Variants in CEP170 observed in about 807,000 individuals in gnomAD.
CEP170 encodes the protein centrosomal protein 170, also known as centrosomal protein of 170 kDa.
In CEP170, 21 loss-of-function variants were observed where a neutral mutation model predicts 151.9. That is an observed-to-expected ratio of 0.14 (90% CI 0.10 to 0.20). The LOEUF (loss-of-function observed/expected upper bound fraction) is 0.20, where lower values mean the gene tolerates loss of function less well. CEP170 is among the 10% of genes least tolerant of loss of function. The pLI is 1.00. For missense variants in CEP170, 964 were observed against 1,892.9 expected (o/e 0.51, Z 9.11); for synonymous variants, 356 against 648.8 (o/e 0.55, Z 6.86).
Position 243,185,679 on chromosome 1 carries a change from C to G in CEP170, c.1566+100G>C. 7.0e-7 allele frequency: 1 copy of G among 1,435,576 alleles called. No homozygotes were observed. Among genetic ancestry groups the G allele is most frequent in the Non-Finnish European group, 9.4e-7 (1 of 1,063,734 alleles). 88.9% of individuals were successfully genotyped at this position (1,435,576 alleles called of 1,614,324 possible). On this transcript the variant is annotated intron_variant, in intron 10 of 19. Transcript: ENST00000366542. The surrounding 1 kb of genome is among the most constrained non-coding windows in gnomAD (Gnocchi z 4.9). Reference sequence around the variant, plus strand: ...ACAAAACCCTAAAATTCACATACCACTGACTGCATGACAACATCTCATGCT... The same window carrying G: ...ACAAAACCCTAAAATTCACATACCAGTGACTGCATGACAACATCTCATGCT...
intron 10 of CEP170, among the ~76,000 whole-genome samples, chr1:243,179,467 C>A (rs1418494863): frequency 6.6e-6 from 1 of 152,206 alleles, no homozygotes; most frequent in African/African-American, 2.4e-5. Context: ...GACTATCTAT[C>A]TTTGCTGCTT....
chr1:243,255,402 T>A (rs918697428), upstream of CEP170: 1 of 153,096 alleles, frequency 6.5e-6, no homozygotes, highest in African/African-American at 2.4e-5. Flanking sequence ...TTTTCCAGCT[T>A]GCCCACTGCG....
chr1:243,230,399 G>A (rs1419199744), intron 1 of CEP170, among the ~76,000 whole-genome samples: 2 of 152,098 alleles, frequency 1.3e-5, no homozygotes, highest in African/African-American at 4.8e-5. Context: ...AGATTTGACA[G>A]AAACTCTCCC....
intron 16 of CEP170, among the ~76,000 whole-genome samples, chr1:243,137,615 A>G (rs577439539): frequency 3.0e-4 from 46 of 152,116 alleles, no homozygotes; most frequent in Non-Finnish European, 5.9e-4. Context: ...TCTCTACTAA[A>G]AATACAAAAA....
chr1:243,249,911 T>C (rs2065779320), intron 1 of CEP170, among the ~76,000 whole-genome samples: 1 of 152,166 alleles, frequency 6.6e-6, no homozygotes, highest in Admixed American at 6.5e-5. Context: ...TGAAACCCTG[T>C]CTTTACTAAA....
At chr1:243,157,764 T>C (rs1218459124) in intron 13 of CEP170, among the ~76,000 whole-genome samples, 6 of 152,176 alleles carry the variant, frequency 3.9e-5, no homozygotes, top group African/African-American at 1.2e-4. Flanking sequence ...AAAACTGGCA[T>C]ATATTGCCAC....
chr1:243,176,169 T>A (rs1410930488), intron 10 of CEP170, among the ~76,000 whole-genome samples: 1 of 151,964 alleles, frequency 6.6e-6, no homozygotes, highest in African/African-American at 2.4e-5. Flanking sequence ...TCAATCCAAA[T>A]CCCAAACATG....
At chr1:243,153,329 C>T (rs960971972) in intron 14 of CEP170, among the ~76,000 whole-genome samples, 3 of 152,108 alleles carry the variant, frequency 2.0e-5, no homozygotes, top group Non-Finnish European at 4.4e-5. Flanking sequence ...TAAACTCAGT[C>T]GATAAGCCAG....
Position 243,185,631 on chromosome 1 carries a change from C to T in CEP170, c.1566+148G>A, listed in dbSNP as rs1273968772. On this transcript the variant is annotated intron_variant, in intron 10 of 19. Coordinates refer to ENST00000366542, the MANE Select transcript of CEP170 (RefSeq NM_014812.3). The surrounding 1 kb of genome is among the most constrained non-coding windows in gnomAD (Gnocchi z 4.9). ...AAAATCACAAAGCATGTTGGTCTTA[C>T]TGTTAAGTCTTGCAGTTCCCTAACA... The T allele has an allele frequency of 8.5e-6, 9 of 1,062,568 alleles. No individual in the cohort carries two copies. The highest frequency in any genetic ancestry group is 1.2e-5 in the Non-Finnish European group (9 of 737,830). The allele number at this position is 1,062,568 out of a possible 1,614,324, so 65.8% of individuals were successfully genotyped here.
At chr1:243,126,855 T>A in intron 19 of CEP170, 117 bp from the exon 20 acceptor site, 2 of 646,600 alleles carry the variant, frequency 3.1e-6, no homozygotes, top group East Asian at 5.5e-5. Flanking sequence ...ATGTGGCTAA[T>A]CTTCCAATAT....
chr1:243,217,936 T>A (rs1326621698), intron 3 of CEP170, among the ~76,000 whole-genome samples: 2 of 152,172 alleles, frequency 1.3e-5, no homozygotes, highest in African/African-American at 2.4e-5. Flanking sequence ...ACATCAAGAT[T>A]AGGTGCCCAA....
At chr1:243,183,261 A>G (rs1413550966) in intron 10 of CEP170, among the ~76,000 whole-genome samples, 5 of 152,130 alleles carry the variant, frequency 3.3e-5, no homozygotes, top group Admixed American at 3.3e-4. Flanking sequence ...ACACATCTCA[A>G]ATGATGACGT....
intron 14 of CEP170, among the ~76,000 whole-genome samples, chr1:243,155,102 C>A (rs1163730868): frequency 2.0e-5 from 3 of 152,168 alleles, no homozygotes; most frequent in Non-Finnish European, 4.4e-5. Flanking sequence ...TTTCCTCTAA[C>A]TAGAACAACT....
Position 243,140,098 on chromosome 1 carries a change from G to A in CEP170, c.4069C>T (p.Arg1357Cys). ...AAGTTGAGGCTTTCATCAAAAACAC[G>A]ATCAACCAACTAATGGGACGAAAGC... The part of the protein sequence containing the change: ...AIDTREELVD[R>C]VFDESLNFRK... Residue 1357 changes from arginine (R) to cysteine (C), a missense_variant, in exon 16 of 20, where the codon CGT becomes TGT. Physicochemically the swap from Arg to Cys is radical, Grantham distance 180 (BLOSUM62 -3). Coordinates refer to ENST00000366542, the MANE Select transcript of CEP170 (RefSeq NM_014812.3). 6.2e-7 allele frequency: 1 copy of A among 1,613,500 alleles called. No homozygotes were observed.
intron 15 of CEP170, among the ~76,000 whole-genome samples, chr1:243,141,502 T>C (rs936608362): frequency 6.6e-6 from 1 of 152,198 alleles, no homozygotes; most frequent in Non-Finnish European, 1.5e-5. Context: ...TCCTAGTTCT[T>C]TGGTCTGTAT....
At chr1:243,147,559 G>A (rs2056642691) in intron 14 of CEP170, among the ~76,000 whole-genome samples, 1 of 152,072 alleles carries the variant, frequency 6.6e-6, no homozygotes. Context: ...CTTTCAAAAT[G>A]AGGTAAAATA....
chr1:243,254,150 TC>T (rs2066259533), intron 1 of CEP170, among the ~76,000 whole-genome samples: 1 of 151,774 alleles, frequency 6.6e-6, no homozygotes, highest in Non-Finnish European at 1.5e-5. Flanking sequence ...GTGCTTGGAC[TC>T]CAGCAGGCAT....
At chr1:243,183,622 T>A (rs572510264) in intron 10 of CEP170, among the ~76,000 whole-genome samples, 1 of 152,188 alleles carries the variant, frequency 6.6e-6, no homozygotes, top group Non-Finnish European at 1.5e-5. Flanking sequence ...TTCAAGCTAA[T>A]GGAATCTTAG....
chr1:243,214,450 T>TA (rs963248563), intron 3 of CEP170, among the ~76,000 whole-genome samples: 2 of 151,854 alleles, frequency 1.3e-5, no homozygotes, highest in African/African-American at 4.8e-5. Context: ...CACGCCTGGC[T>TA]AATTTTTGTA....
Sources: gnomAD v4.1 joint callset for allele counts (sites outside exome capture counted in the v4.1 genomes callset) on GRCh38, gnomAD v4.1.1 for gene constraint, Gnocchi (gnomAD v3.1) non-coding constraint, MANE v1.5 for transcripts, NCBI Gene and HGNC (gene_info 2026-07-23, HGNC 2026-07-21) for gene names.